The following ANKLE1 variants were observed in gnomAD, a reference collection of about 807,000 sequenced individuals.
ANKLE1 encodes ankyrin repeat and LEM domain containing 1, also known as structure-specific endonuclease ANKLE1.
Under a neutral mutation model 56.2 loss-of-function variants are expected in ANKLE1, and 59 were observed. The observed-to-expected ratio is 1.05, with a 90% CI of 0.85 to 1.30. ANKLE1 has a LOEUF of 1.30. Among genes scored for constraint, ANKLE1 ranks in the 50% most tolerant of loss-of-function variants. The pLI is 0.00. For synonymous variants in ANKLE1, 341 were observed against 352.9 expected, an observed-to-expected ratio of 0.97 and a Z score of 0.38; for missense variants, 771 against 816.1, an observed-to-expected ratio of 0.94 and a Z score of 0.67.
In ANKLE1 at chr19:17,282,672, A is replaced by C. The variant is rs766863639; in HGVS notation, c.232A>C (p.Thr78Pro). 6.5e-7 allele frequency: 1 copy of C among 1,534,482 alleles called. No homozygotes were observed. The highest frequency in any genetic ancestry group is 8.7e-7 in the Non-Finnish European group (1 of 1,146,668). The change falls in exon 3 of 9, where the codon ACG becomes CCG. Residue 78 changes from threonine to proline, a missense_variant. By Grantham distance (38) the Thr-to-Pro change is conservative. Transcript: ENST00000404085. ...DPNARSVEALTPLHVAAAWGC... is the reference protein window; with the variant it reads ...DPNARSVEALPPLHVAAAWGC... ...CCGCCCCAGATCTGTCGAGGCACTG[A>C]CGCCGCTGCATGTGGCCGCCGCGTG...
At chr19:17,286,297 C>T in intron 8 of ANKLE1, 83 bp from the exon 9 acceptor site, 3 of 1,493,188 alleles carry the variant, frequency 2.0e-6, no homozygotes, top group Non-Finnish European at 2.7e-6. Context: ...CCACCATACC[C>T]AGCCGCCTGC....
intron 6 of ANKLE1, 75 bp downstream of exon 6, chr19:17,284,341 T>TA (rs1326799089): frequency 1.4e-6 from 2 of 1,443,124 alleles, no homozygotes; most frequent in African/African-American, 2.8e-5. Context: ...TGTGTGCCCT[T>TA]AAGAAAGGGA....
At chr19:17,282,478 G>A in intron 2 of ANKLE1, 178 bp from the exon 3 acceptor site, 1 of 828,590 alleles carries the variant, frequency 1.2e-6, no homozygotes, top group Non-Finnish European at 1.9e-6. Flanking sequence ...AGGGTCAGAC[G>A]GCAGAGGTTT....
rs1385979325 is a variant in ANKLE1 at position 17,284,253 on chromosome 19, C to T, written c.1363C>T (p.Leu455=). 1.2e-6 allele frequency: 2 copies of T among 1,613,574 alleles called. No individual in the cohort carries two copies. Among genetic ancestry groups the T allele is most frequent in the Admixed American group, 3.3e-5 (2 of 59,990 alleles). ...GVVKSSFTYL[L]LDPRETQDLP... ...CGTGAAGTCTAGCTTCACCTATCTG[C>T]TGCTGGACCCCAGGTACTCAGGGCA... is the stretch of plus-strand genomic sequence containing the variant. Residue 455 remains leucine (L), a synonymous_variant, in exon 6 of 9, where the codon CTG becomes TTG. Transcript: ENST00000404085.
At position 17,286,844 on chromosome 19, in the gene ANKLE1, G is replaced by C; in HGVS notation, c.*292G>C. On this transcript the variant is annotated 3_prime_UTR_variant, in exon 9 of 9. Coordinates refer to ENST00000404085, the MANE Select transcript of ANKLE1 (RefSeq NM_152363.6). ...AAGAAGGGAAGCAGAAGGTGCTTTG[G>C]AACAGTCCGGTGCTTCTGTAAGAGG... 1 of 1,254,472 alleles carries C rather than the reference G, an allele frequency of 8.0e-7. No homozygotes were observed. Among genetic ancestry groups the C allele is most frequent in the Non-Finnish European group, 1.0e-6 (1 of 987,558 alleles). 77.7% of individuals were successfully genotyped at this position (1,254,472 alleles called of 1,614,324 possible).
In ANKLE1 at chr19:17,285,831, GT is replaced by G. The variant is rs781286541; in HGVS notation, c.1675+13del. 1 of 1,612,970 alleles carries G rather than the reference GT, an allele frequency of 6.2e-7. No homozygotes were observed. The highest frequency in any genetic ancestry group is 1.1e-5 in the South Asian group (1 of 91,066). ...TGTGGAAGCCCTAGGTGGGTGCCTG[GT>G]ACCTAGAATGGGGGTCATATGAAAG... On this transcript the variant is annotated intron_variant, in intron 8 of 8. Transcript: ENST00000404085.
chr19:17,282,041 A>C lies in ANKLE1; in HGVS notation c.63-16A>C, dbSNP rs761491886. On this transcript the variant is annotated splice_polypyrimidine_tract_variant and intron_variant, in intron 1 of 8. Coordinates refer to ENST00000404085, the MANE Select transcript of ANKLE1 (RefSeq NM_152363.6). The stretch of plus-strand genomic sequence containing the variant: ...GGGTCTTTGGCCGGGGTCCACTCTG[A>C]CCGCGGTGTTTGCAGGGCAGTAGAG... 1 of 1,537,546 alleles carries C rather than the reference A, an allele frequency of 6.5e-7. No homozygotes were observed. The highest frequency in any genetic ancestry group is 1.4e-5 in the African/African-American group (1 of 73,040).
chr19:17,282,867 G>T lies in ANKLE1; in HGVS notation c.325G>T (p.Gly109Ter), dbSNP rs1264947298. Residue 109 changes from glycine to a stop codon, truncating the protein, a stop_gained, in exon 4 of 9, where the codon GGA (glycine) becomes TGA (stop). Transcript: ENST00000404085. LOFTEE classifies it high-confidence loss of function. ...GADPALRDQD[G>*]LRPLDLALQQ... ...CCTGCTGACCGCGCCCCTGTAGGAC[G>T]GACTCCGGCCGCTGGACCTGGCCCT... is the stretch of plus-strand genomic sequence containing the variant. 4.4e-6 allele frequency: 7 copies of T among 1,587,288 alleles called. No individual in the cohort carries two copies. The South Asian group carries it at 6.8e-5, about 15-fold the overall frequency.
intron 6 of ANKLE1, among the ~76,000 whole-genome samples, chr19:17,284,827 A>T (rs1190662753): frequency 6.7e-6 from 1 of 150,176 alleles, no homozygotes; most frequent in East Asian, 2.0e-4. Context: ...TTGGGATTAC[A>T]GGCATGTGCC....
Position 17,286,401 on chromosome 19 carries a change from A to G in ANKLE1, c.1697A>G (p.Gln566Arg), listed in dbSNP as rs1286674277. ...EALGIQTLTN[Q>R]KQGHCYGVVA... Reference sequence around the variant, plus strand: ...CCAGGGATCCAGACGCTCACCAACCAGAAGCAAGGGCACTGCTATGGAGTG... The same window carrying G: ...CCAGGGATCCAGACGCTCACCAACCGGAAGCAAGGGCACTGCTATGGAGTG... The change falls in exon 9 of 9, where the codon CAG becomes CGG. Residue 566 changes from glutamine (Q) to arginine (R), a missense_variant. By Grantham distance (43) the Gln-to-Arg change is conservative. Transcript: ENST00000404085. 7.6e-6 allele frequency: 12 copies of G among 1,579,400 alleles called. No homozygotes were observed. The highest frequency in any genetic ancestry group is 1.0e-5 in the Non-Finnish European group (12 of 1,157,960).
At chr19:17,283,203 T>C (rs773236388) in intron 4 of ANKLE1, 22 bp from the exon 5 acceptor site, 2 of 1,591,828 alleles carry the variant, frequency 1.3e-6, no homozygotes, top group Admixed American at 3.5e-5. Context: ...CTCTCCTCTC[T>C]GGCCCCCACT....
At position 17,286,675 on chromosome 19, in the gene ANKLE1, TGTGTGTGTGTGTGTGTTTGTG is replaced by T; in HGVS notation, c.*124_*144del. ...GTGTGTGTGTGTGTGTGTGTGTGTG[TGTGTGTGTGTGTGTGTTTGTG>T]TGTGTGTGTGTGTGTGTAGGGAGCA... On this transcript the variant is annotated 3_prime_UTR_variant, in exon 9 of 9. Coordinates refer to ENST00000404085, the MANE Select transcript of ANKLE1 (RefSeq NM_152363.6). 3.6e-6 allele frequency: 4 copies of T among 1,119,552 alleles called. No homozygotes were observed. Among genetic ancestry groups the T allele is most frequent in the South Asian group, 1.5e-5 (1 of 67,252 alleles). 69.4% of individuals were successfully genotyped at this position (1,119,552 alleles called of 1,614,324 possible).
rs2074048348 is a variant in ANKLE1 at position 17,287,612 on chromosome 19, T to C, written c.*1060T>C. Reference sequence around the variant, plus strand: ...GTCTATGGAGTAGCCATTCTTTTATTCCTTTAGTTTCTTAATAAATTTGCT... The same window carrying C: ...GTCTATGGAGTAGCCATTCTTTTATCCCTTTAGTTTCTTAATAAATTTGCT... On this transcript the variant is annotated 3_prime_UTR_variant, in exon 9 of 9. Transcript: ENST00000404085. 1 of 151,906 alleles carries C rather than the reference T, an allele frequency of 6.6e-6. No homozygotes were observed. Among genetic ancestry groups the C allele is most frequent in the African/African-American group, 2.4e-5 (1 of 41,164 alleles). 9.4% of individuals were successfully genotyped at this position (151,906 alleles called of 1,614,324 possible).
At chr19:17,285,346 G>A (rs2074019357) in intron 6 of ANKLE1, 85 bp from the exon 7 acceptor site, 1 of 1,535,424 alleles carries the variant, frequency 6.5e-7, no homozygotes, top group Non-Finnish European at 8.9e-7. Context: ...CTAGACATGG[G>A]TTCAAGATAT....
At chr19:17,285,387 C>G (rs1414399218) in intron 6 of ANKLE1, 44 bp from the exon 7 acceptor site, 2 of 1,609,812 alleles carry the variant, frequency 1.2e-6, no homozygotes, top group East Asian at 4.5e-5. Context: ...CTCTGGGGAC[C>G]ACTGTATCCA....
Position 17,283,705 on chromosome 19 carries a change from C to A in ANKLE1, c.941C>A (p.Ala314Asp), listed in dbSNP as rs1231810962. Reference protein sequence around the residue: ...HSPPRTPTPGASDCHCLWEHQ... With the variant: ...HSPPRTPTPGDSDCHCLWEHQ... ...CCCCCACGGACACCAACCCCTGGAG[C>A]TTCTGACTGCCACTGCCTGTGGGAG... is the stretch of plus-strand genomic sequence containing the variant. The change falls in exon 5 of 9, where the codon GCT (alanine) becomes GAT (aspartate). Residue 314 changes from alanine (A) to aspartate (D), a missense_variant. Transcript: ENST00000404085. 2 of 1,613,636 alleles carry A rather than the reference C, an allele frequency of 1.2e-6. No individual in the cohort carries two copies. Among genetic ancestry groups the A allele is most frequent in the African/African-American group, 2.7e-5 (2 of 75,046 alleles).
chr19:17,284,013 G>A (rs941010100), intron 5 of ANKLE1, 51 bp downstream of exon 5: 95 of 1,594,812 alleles, frequency 6.0e-5, no homozygotes, highest in East Asian at 9.0e-5. Flanking sequence ...GGAATCTCCC[G>A]GAGAACCCCA....
chr19:17,287,465 C>T lies in ANKLE1; in HGVS notation c.*913C>T, dbSNP rs115420374. 375 of 151,916 alleles carry T rather than the reference C, an allele frequency of 2.5e-3. 9 individuals carry two copies. Among genetic ancestry groups the T allele is most frequent in the African/African-American group, 8.3e-3 (342 of 41,252 alleles). The allele number at this position is 151,916 out of a possible 1,614,324, so 9.4% of individuals were successfully genotyped here. A position where few individuals can be genotyped will look rare whatever the true frequency, so the allele number is the denominator to read the frequency against. ...AACAAAAAAACAAATGCCACATCAACATCAGGACGTTAACCTTTAGACCCT... is the reference window on the plus strand; with the variant it reads ...AACAAAAAAACAAATGCCACATCAATATCAGGACGTTAACCTTTAGACCCT... On this transcript the variant is annotated 3_prime_UTR_variant, in exon 9 of 9. Transcript: ENST00000404085.
In ANKLE1 at chr19:17,282,740, G is replaced by A; in HGVS notation, c.300G>A (p.Ala100=). The A allele has an allele frequency of 2.6e-6, 4 of 1,542,964 alleles. No homozygotes were observed. The highest frequency in any genetic ancestry group is 3.5e-6 in the Non-Finnish European group (4 of 1,150,846). The change falls in exon 3 of 9, where the codon GCG becomes GCA. Residue 100 remains alanine, a synonymous_variant. Transcript: ENST00000404085. Reference sequence around the variant, plus strand: ...TGGAGCTGCTGCTGAGCCAAGGAGCGGACCCGGCGCTGCGCGACCAGGTTG... The same window carrying A: ...TGGAGCTGCTGCTGAGCCAAGGAGCAGACCCGGCGCTGCGCGACCAGGTTG... ...RGLELLLSQG[A]DPALRDQDGL...
Sources: gnomAD v4.1 joint callset for allele counts (sites outside exome capture counted in the v4.1 genomes callset) on GRCh38, gnomAD v4.1.1 for gene constraint, MANE v1.5 for transcripts, NCBI Gene and HGNC (gene_info 2026-07-23, HGNC 2026-07-21) for gene names.